The following SGMS1 variants were observed in gnomAD, a reference collection of about 807,000 sequenced individuals.
SGMS1 encodes the protein sphingomyelin synthase 1.
Under a neutral mutation model 46.2 loss-of-function variants are expected in SGMS1, and 13 were observed. The observed-to-expected ratio is 0.28, with a 90% CI of 0.18 to 0.45. The LOEUF is 0.45. SGMS1 is among the 20% of genes least tolerant of loss of function. The probability of loss-of-function intolerance (pLI) is 1.00; values close to 1 mark genes in which losing one functional copy is unlikely to be tolerated. For synonymous variants in SGMS1, 203 were observed against 187.8 expected, an observed-to-expected ratio of 1.08 and a Z score of -0.66; for missense variants, 324 against 519.9, an observed-to-expected ratio of 0.62 and a Z score of 3.66.
intron 6 of SGMS1, among the ~76,000 whole-genome samples, chr10:50,345,794 C>T (rs1298679027): frequency 1.3e-5 from 2 of 152,092 alleles, no homozygotes; most frequent in Non-Finnish European, 2.9e-5. Context: ...GATTGAAATC[C>T]GAAACGCTTC....
intron 6 of SGMS1, among the ~76,000 whole-genome samples, chr10:50,431,061 A>G (rs1171738309): frequency 6.6e-6 from 1 of 152,216 alleles, no homozygotes; most frequent in Non-Finnish European, 1.5e-5. Context: ...AGATGATAAT[A>G]TAAGTCAGAA....
intron 2 of SGMS1, among the ~76,000 whole-genome samples, chr10:50,549,403 G>A (rs1253448235): frequency 6.6e-6 from 1 of 152,156 alleles, no homozygotes; most frequent in Admixed American, 6.5e-5. Flanking sequence ...GACACACATG[G>A]CATTGGAAGC....
chr10:50,568,902 C>T (rs991092115), intron 2 of SGMS1, among the ~76,000 whole-genome samples: 1 of 151,892 alleles, frequency 6.6e-6, no homozygotes, highest in African/African-American at 2.4e-5. Flanking sequence ...CCAACCCAAA[C>T]GCCTGTCAAT....
At chr10:50,612,177 A>G (rs1191838541) in intron 1 of SGMS1, among the ~76,000 whole-genome samples, 3 of 152,216 alleles carry the variant, frequency 2.0e-5, no homozygotes, top group African/African-American at 7.2e-5. Context: ...AAATTTAAGC[A>G]TCTTCCACCT....
chr10:50,322,558 C>T (rs570498206), intron 8 of SGMS1, among the ~76,000 whole-genome samples: 3 of 152,144 alleles, frequency 2.0e-5, no homozygotes, highest in African/African-American at 4.8e-5. Flanking sequence ...AGGGGCCGGG[C>T]GCGGTGGCTC....
intron 2 of SGMS1, among the ~76,000 whole-genome samples, chr10:50,572,042 GACA>G (rs1023526418): frequency 6.6e-5 from 10 of 152,102 alleles, no homozygotes; most frequent in African/African-American, 2.4e-4. Flanking sequence ...TAACAGTTCT[GACA>G]ACAAGGTCAG....
chr10:50,561,619 G>A (rs1025233125), intron 2 of SGMS1, among the ~76,000 whole-genome samples: 1 of 152,150 alleles, frequency 6.6e-6, no homozygotes, highest in Non-Finnish European at 1.5e-5. Context: ...CACAGACACC[G>A]ATTACAGACA....
At chr10:50,607,149 T>A (rs557309939) in intron 1 of SGMS1, among the ~76,000 whole-genome samples, 256 of 151,314 alleles carry the variant, frequency 1.7e-3, no homozygotes, top group Non-Finnish European at 2.8e-3. Flanking sequence ...CAGGTAATTT[T>A]TTTTTTTTTT....
chr10:50,406,959 T>C (rs952688531), intron 6 of SGMS1, among the ~76,000 whole-genome samples: 2 of 152,164 alleles, frequency 1.3e-5, no homozygotes, highest in African/African-American at 4.8e-5. Flanking sequence ...CAAGTAATCT[T>C]CCTGCCTTGG....
At chr10:50,515,928 C>T (rs538007394) in intron 3 of SGMS1, among the ~76,000 whole-genome samples, 1 of 152,328 alleles carries the variant, frequency 6.6e-6, no homozygotes, top group East Asian at 1.9e-4. Flanking sequence ...AATCTCTCAT[C>T]GCAGAGCTCG....
Position 50,308,117 on chromosome 10 carries a change from C to G in SGMS1, c.927G>C (p.Trp309Cys). ...CAACTACGCTGAGAAGCCAGCAAAT[C>G]CAGTGATACCACCAGAGTCGCCGAG... Reference protein sequence around the residue: ...YSPRRLWWYHWICWLLSVVGI... With the variant: ...YSPRRLWWYHCICWLLSVVGI... The change falls in exon 10 of 11, where the codon TGG becomes TGC. Residue 309 changes from tryptophan to cysteine, a missense_variant. Transcript: ENST00000361781. 2.5e-6 allele frequency: 4 copies of G among 1,613,872 alleles called. No homozygotes were observed. The highest frequency in any genetic ancestry group is 2.5e-6 in the Non-Finnish European group (3 of 1,179,878).
chr10:50,490,677 G>A (rs573809712), intron 3 of SGMS1, among the ~76,000 whole-genome samples: 1 of 152,252 alleles, frequency 6.6e-6, no homozygotes, highest in South Asian at 2.1e-4. Flanking sequence ...TCATGGTGTG[G>A]GTTCGGAGCA....
intron 7 of SGMS1, chr10:50,341,409 C>A (rs370726766): frequency 2.2e-6 from 1 of 455,900 alleles, no homozygotes; most frequent in East Asian, 6.9e-5. Flanking sequence ...AAGATCATGA[C>A]GACTCTGCTT....
chr10:50,612,857 C>T (rs1034029138), intron 1 of SGMS1, among the ~76,000 whole-genome samples: 67 of 152,288 alleles, frequency 4.4e-4, no homozygotes, highest in African/African-American at 1.5e-3. Flanking sequence ...TACAGGCGTG[C>T]GCCTCCATGC....
intron 2 of SGMS1, among the ~76,000 whole-genome samples, chr10:50,527,681 A>G (rs1384229229): frequency 6.6e-6 from 1 of 152,236 alleles, no homozygotes; most frequent in Non-Finnish European, 1.5e-5. Flanking sequence ...ATCTTGACAC[A>G]TAACAGGAAG....
At chr10:50,594,547 T>C (rs975923647) in intron 1 of SGMS1, among the ~76,000 whole-genome samples, 1 of 152,252 alleles carries the variant, frequency 6.6e-6, no homozygotes, top group African/African-American at 2.4e-5. Flanking sequence ...AAAATTGTTA[T>C]TTATTACACT....
At chr10:50,476,299 G>T (rs1316616902) in intron 3 of SGMS1, among the ~76,000 whole-genome samples, 2 of 138,164 alleles carry the variant, frequency 1.4e-5, no homozygotes, top group Non-Finnish European at 3.2e-5. Flanking sequence ...AGGGAAGGGA[G>T]GGGAGGGGAG....
At chr10:50,598,524 T>TA in intron 1 of SGMS1, among the ~76,000 whole-genome samples, 1 of 152,170 alleles carries the variant, frequency 6.6e-6, no homozygotes, top group Non-Finnish European at 1.5e-5. Context: ...AAATAACTGA[T>TA]GGGTCTTGGT....
chr10:50,446,265 G>A (rs1234384415), intron 5 of SGMS1, among the ~76,000 whole-genome samples: 1 of 151,974 alleles, frequency 6.6e-6, no homozygotes, highest in South Asian at 2.1e-4. Context: ...CTCCCTTTTT[G>A]AAAATCACTA....
Sources: gnomAD v4.1 joint callset for allele counts (sites outside exome capture counted in the v4.1 genomes callset) on GRCh38, gnomAD v4.1.1 for gene constraint, MANE v1.5 for transcripts, NCBI Gene and HGNC (gene_info 2026-07-23, HGNC 2026-07-21) for gene names.